The following AMBRA1 variants were observed in gnomAD, a reference collection of about 807,000 sequenced individuals.
AMBRA1 encodes activating molecule in BECN1-regulated autophagy protein 1.
AMBRA1 carries 47 observed loss-of-function variants against 125.4 expected under a neutral mutation model. The observed-to-expected ratio is 0.37, with a 90% confidence interval of 0.30 to 0.48. The LOEUF (loss-of-function observed/expected upper bound fraction) is 0.48. Ranked by LOEUF, AMBRA1 falls within the 20% of genes least tolerant of loss-of-function variation. The probability of loss-of-function intolerance (pLI) is 0.99; values close to 1 mark genes in which losing one functional copy is unlikely to be tolerated. For synonymous variants in AMBRA1, 626 were observed against 655.5 expected, an observed-to-expected ratio of 0.95 and a Z score of 0.69; for missense variants, 1,331 against 1,693.4, an observed-to-expected ratio of 0.79 and a Z score of 3.76.
intron 11 of AMBRA1, among the ~76,000 whole-genome samples, chr11:46,454,277 C>T (rs1304117603): frequency 6.6e-6 from 1 of 151,768 alleles, no homozygotes; most frequent in Non-Finnish European, 1.5e-5. Context: ...GATCCTCCTA[C>T]CTTGGCCTCT....
At chr11:46,592,712 C>T (rs1220737007) in intron 1 of AMBRA1, among the ~76,000 whole-genome samples, 3 of 151,514 alleles carry the variant, frequency 2.0e-5, no homozygotes, top group Non-Finnish European at 2.9e-5. Flanking sequence ...GAGCCAAGAT[C>T]GCGCCACTGC....
chr11:46,466,950 G>A (rs1421827708), intron 11 of AMBRA1, among the ~76,000 whole-genome samples: 1 of 137,330 alleles, frequency 7.3e-6, no homozygotes, highest in Non-Finnish European at 1.5e-5. Flanking sequence ...ATGGAGTCTC[G>A]CTCTGTTGCC....
chr11:46,396,772 G>C lies in AMBRA1; in HGVS notation c.*678C>G, dbSNP rs924290032. 10 of 152,708 alleles carry C rather than the reference G, an allele frequency of 6.5e-5. No homozygotes were observed. Among genetic ancestry groups the C allele is most frequent in the African/African-American group, 2.4e-4 (10 of 41,430 alleles). 9.5% of individuals were successfully genotyped at this position (152,708 alleles called of 1,614,324 possible). ...AGAAGACTGGTGGACAAGCCCTGGGGGCTGGCCAGCCTACACCCCCCACTC... is the reference window on the plus strand; with the variant it reads ...AGAAGACTGGTGGACAAGCCCTGGGCGCTGGCCAGCCTACACCCCCCACTC... On this transcript the variant is annotated 3_prime_UTR_variant, in exon 18 of 18. Coordinates refer to ENST00000683756, the MANE Select transcript of AMBRA1 (RefSeq NM_001387011.1).
intron 1 of AMBRA1, among the ~76,000 whole-genome samples, chr11:46,593,197 T>C (rs2044669867): frequency 6.6e-6 from 1 of 152,126 alleles, no homozygotes; most frequent in Admixed American, 6.5e-5. Context: ...TCACAGACGA[T>C]CAAACAATAA....
intron 7 of AMBRA1, among the ~76,000 whole-genome samples, chr11:46,530,895 T>C (rs1952185064): frequency 6.6e-6 from 1 of 152,236 alleles, no homozygotes; most frequent in African/African-American, 2.4e-5. Flanking sequence ...GATTCATTCA[T>C]TTATTTGAGA....
At chr11:46,549,263 G>T (rs1332950085) in intron 1 of AMBRA1, among the ~76,000 whole-genome samples, 3 of 152,074 alleles carry the variant, frequency 2.0e-5, no homozygotes, top group Non-Finnish European at 2.9e-5. Flanking sequence ...CTGATAAAAT[G>T]GTATTTCAAA....
chr11:46,475,453 A>C (rs1413401791), intron 11 of AMBRA1, among the ~76,000 whole-genome samples: 1 of 152,254 alleles, frequency 6.6e-6, no homozygotes, highest in Non-Finnish European at 1.5e-5. Flanking sequence ...CACATGTATT[A>C]GTTTGCTGTA....
In AMBRA1 at chr11:46,470,456, G is replaced by A. The variant is rs551785265; in HGVS notation, c.2521+23152C>T. On this transcript the variant is annotated intron_variant, in intron 11 of 17. Coordinates refer to ENST00000683756, the MANE Select transcript of AMBRA1 (RefSeq NM_001387011.1). ...TACAAAAAATTAGCCGGGCGTGGTG[G>A]TGGGTGCCTGTAGTCCCAGCTACTG... Among the ~76,000 whole-genome samples, 205 of 152,146 alleles carry A rather than the reference G, an allele frequency of 1.3e-3. 3 individuals are homozygous for A. The highest frequency in any genetic ancestry group is 2.3e-3 in the Non-Finnish European group (155 of 67,982).
At chr11:46,414,321 T>G (rs1946431433) in intron 15 of AMBRA1, among the ~76,000 whole-genome samples, 1 of 152,216 alleles carries the variant, frequency 6.6e-6, no homozygotes, top group South Asian at 2.1e-4. Context: ...GTGGCAATTT[T>G]GGCTCCCTTT....
intron 11 of AMBRA1, among the ~76,000 whole-genome samples, chr11:46,452,640 C>T (rs1948666916): frequency 6.6e-6 from 1 of 152,152 alleles, no homozygotes; most frequent in South Asian, 2.1e-4. Flanking sequence ...AATCTTCTTT[C>T]CAGAAAGCTT....
chr11:46,501,357 T>G (rs1950830016), intron 9 of AMBRA1, among the ~76,000 whole-genome samples: 1 of 152,234 alleles, frequency 6.6e-6, no homozygotes, highest in Non-Finnish European at 1.5e-5. Flanking sequence ...AGTGTGGGTG[T>G]GTGCATGAGT....
At chr11:46,555,448 T>C (rs1475897727) in intron 1 of AMBRA1, among the ~76,000 whole-genome samples, 1 of 152,210 alleles carries the variant, frequency 6.6e-6, no homozygotes, top group Non-Finnish European at 1.5e-5. Flanking sequence ...ATAGGGTTGT[T>C]ATGAGACTCC....
chr11:46,588,788 A>T (rs1435089269), intron 1 of AMBRA1, among the ~76,000 whole-genome samples: 3 of 151,986 alleles, frequency 2.0e-5, no homozygotes. Flanking sequence ...AAAAAAAAAA[A>T]AAAAAGTATT....
At chr11:46,573,929 T>C (rs891444854) in intron 1 of AMBRA1, among the ~76,000 whole-genome samples, 39 of 145,954 alleles carry the variant, frequency 2.7e-4, no homozygotes, top group East Asian at 1.6e-3. Context: ...GGTTTTTTGT[T>C]CTTGCGATAG....
chr11:46,429,734 A>T (rs1242657934), intron 14 of AMBRA1, among the ~76,000 whole-genome samples: 2 of 152,160 alleles, frequency 1.3e-5, no homozygotes, highest in African/African-American at 4.8e-5. Flanking sequence ...TAGAAAATTA[A>T]TTGCAGTTCT....
rs367881438 is a variant in AMBRA1, at chr11:46,593,687, C to A, written c.-121+141G>T. The A allele has an allele frequency of 3.6e-5, 13 of 359,014 alleles. No individual in the cohort carries two copies. The South Asian group carries it at 6.0e-4, about 17-fold the overall frequency. The allele number at this position is 359,014 out of a possible 1,614,324, so 22.2% of individuals were successfully genotyped here. ...GTTCCGGGCTGCCCCTCCGGCCGCG[C>A]CCCTCAACGCAGTCCGGTAGCCCCT... On this transcript the variant is annotated intron_variant, in intron 1 of 17. Coordinates refer to ENST00000683756, the MANE Select transcript of AMBRA1 (RefSeq NM_001387011.1).
chr11:46,586,061 C>T (rs2044389089), intron 1 of AMBRA1, among the ~76,000 whole-genome samples: 1 of 152,052 alleles, frequency 6.6e-6, no homozygotes, highest in African/African-American at 2.4e-5. Flanking sequence ...GCCTCAGCCT[C>T]CCAAAGTGCT....
chr11:46,484,854 C>G (rs1950209717), intron 11 of AMBRA1, among the ~76,000 whole-genome samples: 1 of 151,188 alleles, frequency 6.6e-6, no homozygotes, highest in Non-Finnish European at 1.5e-5. Flanking sequence ...ACCGTGTTAG[C>G]CAGGATGATC....
chr11:46,408,385 G>A, intron 17 of AMBRA1, 128 bp downstream of exon 17: 2 of 1,000,142 alleles, frequency 2.0e-6, no homozygotes, highest in East Asian at 6.3e-5. Context: ...CGCTGCTGAG[G>A]AGGCTCTTAA....
Sources: gnomAD v4.1 joint callset for allele counts (sites outside exome capture counted in the v4.1 genomes callset) on GRCh38, gnomAD v4.1.1 for gene constraint, MANE v1.5 for transcripts, NCBI Gene and HGNC (gene_info 2026-07-23, HGNC 2026-07-21) for gene names.